PGPEP1: variants seen among roughly 807,000 people sequenced by gnomAD.
PGPEP1 encodes pyroglutamyl-peptidase 1.
PGPEP1 carries 15 observed loss-of-function variants against 24.1 expected under a neutral mutation model. The observed-to-expected ratio is 0.62, with a 90% CI of 0.42 to 0.96. The LOEUF is 0.96. Ranked by LOEUF, PGPEP1 falls within the 40% of genes least tolerant of loss-of-function variation. PGPEP1 has a pLI of 0.00. For synonymous variants in PGPEP1, 122 were observed against 116.4 expected (o/e 1.05, Z -0.31); for missense variants, 242 against 273.4 (o/e 0.89, Z 0.81).
chr19:18,343,983 C>T (rs1357223699), intron 2 of PGPEP1, among the ~76,000 whole-genome samples: 1 of 151,994 alleles, frequency 6.6e-6, no homozygotes, highest in Non-Finnish European at 1.5e-5. Context: ...TACCCCCGGC[C>T]AGGATCTCCC....
chr19:18,363,093 C>T (rs1036241347), intron 4 of PGPEP1, among the ~76,000 whole-genome samples: 14 of 145,390 alleles, frequency 9.6e-5, no homozygotes, highest in African/African-American at 3.6e-4. Context: ...ATCTCACTCT[C>T]TCACCCAGGC....
At chr19:18,357,302 C>T (rs1971210210) in intron 3 of PGPEP1, 81 bp from the exon 4 acceptor site, 2 of 972,138 alleles carry the variant, frequency 2.1e-6, no homozygotes, top group South Asian at 2.9e-5. Context: ...ATTAAGGATG[C>T]TGCCTTTTCC....
At chr19:18,363,336 T>C in intron 4 of PGPEP1, 55 bp from the exon 5 acceptor site, 1 of 1,459,616 alleles carries the variant, frequency 6.9e-7, no homozygotes, top group Non-Finnish European at 9.5e-7. Flanking sequence ...GTCTACGGAT[T>C]GCCCCTCTGA....
chr19:18,342,934 G>C, intron 2 of PGPEP1, 23 bp downstream of exon 2: 1 of 1,599,482 alleles, frequency 6.3e-7, no homozygotes, highest in Non-Finnish European at 8.6e-7. Context: ...CGGAGGGTGG[G>C]AGTCAGGCTT....
chr19:18,363,624 C>G lies in PGPEP1; in HGVS notation c.*41C>G. The G allele has an allele frequency of 6.6e-7, 1 of 1,508,598 alleles. No homozygotes were observed. Among genetic ancestry groups the G allele is most frequent in the Non-Finnish European group, 9.1e-7 (1 of 1,097,060 alleles). 93.5% of individuals were successfully genotyped at this position (1,508,598 alleles called of 1,614,324 possible). The stretch of plus-strand genomic sequence containing the variant: ...CCTAAGACCTCATCCTGCTGGGGAC[C>G]CCACGAGGGGACATCCACCCTCTGG... On this transcript the variant is annotated 3_prime_UTR_variant, in exon 5 of 5. Coordinates refer to ENST00000269919, the MANE Select transcript of PGPEP1 (RefSeq NM_017712.4).
intron 3 of PGPEP1, 97 bp from the exon 4 acceptor site, chr19:18,357,286 G>T (rs1415805205): frequency 3.8e-6 from 3 of 797,912 alleles, no homozygotes; most frequent in Non-Finnish European, 6.2e-6. Flanking sequence ...ACCCCAGGCA[G>T]AGCTCATTAA....
Position 18,365,989 on chromosome 19 carries a change from A to G in PGPEP1, c.*2406A>G, listed in dbSNP as rs139967911. On this transcript the variant is annotated 3_prime_UTR_variant, in exon 5 of 5. Coordinates refer to ENST00000269919, the MANE Select transcript of PGPEP1 (RefSeq NM_017712.4). ...TAGCTCTGTGTCCTGAGAAATCCAG[A>G]GTGTGGGAGACATCACTGCATCTGT... The G allele has an allele frequency of 3.5e-4, 53 of 152,060 alleles. No homozygotes were observed. The East Asian group carries it at 0.01, about 29-fold the overall frequency. The allele number at this position is 152,060 out of a possible 1,614,324, so 9.4% of individuals were successfully genotyped here. A position where few individuals can be genotyped will look rare whatever the true frequency, so the allele number is the denominator to read the frequency against.
intron 2 of PGPEP1, among the ~76,000 whole-genome samples, chr19:18,348,072 G>T (rs775242449): frequency 6.6e-5 from 10 of 152,044 alleles, no homozygotes; most frequent in Admixed American, 1.3e-4. Flanking sequence ...TGTCTTTCCT[G>T]GGATGGCAGC....
chr19:18,355,743 G>T (rs1971163248), intron 2 of PGPEP1, 152 bp from the exon 3 acceptor site: 2 of 572,542 alleles, frequency 3.5e-6, no homozygotes, highest in South Asian at 1.8e-5. Context: ...GGGTGGGGAA[G>T]GAAATGAGGG....
chr19:18,354,928 A>C (rs1308222967), intron 2 of PGPEP1, among the ~76,000 whole-genome samples: 1 of 141,304 alleles, frequency 7.1e-6, no homozygotes, highest in Non-Finnish European at 1.6e-5. Context: ...AGCACATTTA[A>C]TTTTGAAAGC....
intron 4 of PGPEP1, among the ~76,000 whole-genome samples, chr19:18,362,759 G>T (rs1262828850): frequency 1.3e-5 from 2 of 151,472 alleles, no homozygotes; most frequent in Non-Finnish European, 2.9e-5. Flanking sequence ...AGTGGTGGTG[G>T]TGCACACCTG....
At chr19:18,349,103 C>T in intron 2 of PGPEP1, 5 of 984,026 alleles carry the variant, frequency 5.1e-6, no homozygotes, top group Non-Finnish European at 4.8e-6. Context: ...GAACACCTCT[C>T]TTGTGACTGC....
rs1971499200 is a variant in PGPEP1 at position 18,365,083 on chromosome 19, A to T, written c.*1500A>T. ...ACACTCGCCCAGGAGTCAGGAGTTG[A>T]TTTTTATCTCACTTCCTGGTAACCT... On this transcript the variant is annotated 3_prime_UTR_variant, in exon 5 of 5. Transcript: ENST00000269919. The T allele has an allele frequency of 6.6e-6, 1 of 151,962 alleles. No individual in the cohort carries two copies. The highest frequency in any genetic ancestry group is 1.5e-5 in the Non-Finnish European group (1 of 68,010). The allele number at this position is 151,962 out of a possible 1,614,324, so 9.4% of individuals were successfully genotyped here.
chr19:18,353,109 G>T (rs761134468), intron 2 of PGPEP1, among the ~76,000 whole-genome samples: 2 of 151,550 alleles, frequency 1.3e-5, no homozygotes, highest in Non-Finnish European at 2.9e-5. Context: ...AGTAGAGACG[G>T]GGTTTCACCA....
chr19:18,341,362 C>G (rs1211880121), intron 1 of PGPEP1, among the ~76,000 whole-genome samples: 6 of 152,172 alleles, frequency 3.9e-5, no homozygotes, highest in Non-Finnish European at 5.9e-5. Context: ...CGACTCCCCC[C>G]CACCCCCAAA....
At chr19:18,362,461 C>G (rs534152508) in intron 4 of PGPEP1, among the ~76,000 whole-genome samples, 1 of 151,930 alleles carries the variant, frequency 6.6e-6, no homozygotes, top group South Asian at 2.1e-4. Flanking sequence ...CACGGTGGCT[C>G]ACACCTGTAA....
chr19:18,343,833 C>T (rs1352391988), intron 2 of PGPEP1, among the ~76,000 whole-genome samples: 1 of 151,944 alleles, frequency 6.6e-6, no homozygotes, highest in Non-Finnish European at 1.5e-5. Context: ...CAGGCACCTG[C>T]TACCACGCCT....
chr19:18,366,074 ACT>A lies in PGPEP1; in HGVS notation c.*2493_*2494del, dbSNP rs1971538126. The stretch of plus-strand genomic sequence containing the variant: ...TTTTGAATGTGGGGAACAACTGAAG[ACT>A]CAGGGGTCACCCAGAGGTCTGGTGG... On this transcript the variant is annotated 3_prime_UTR_variant, in exon 5 of 5. Transcript: ENST00000269919. The A allele has an allele frequency of 6.6e-6, 1 of 151,940 alleles. No homozygotes were observed. Among genetic ancestry groups the A allele is most frequent in the Admixed American group, 6.6e-5 (1 of 15,228 alleles). 9.4% of individuals were successfully genotyped at this position (151,940 alleles called of 1,614,324 possible).
intron 2 of PGPEP1, among the ~76,000 whole-genome samples, chr19:18,350,146 G>A (rs113230003): frequency 0.26 from 39,062 of 151,944 alleles, 5,381 homozygotes; most frequent in South Asian, 0.41. Flanking sequence ...TCGCCCTCCC[G>A]AGTAGCTGGG....
Sources: gnomAD v4.1 joint callset for allele counts (sites outside exome capture counted in the v4.1 genomes callset) on GRCh38, gnomAD v4.1.1 for gene constraint, MANE v1.5 for transcripts, NCBI Gene and HGNC (gene_info 2026-07-23, HGNC 2026-07-21) for gene names.